GRM3: variants seen among roughly 807,000 people sequenced by gnomAD.
GRM3 encodes metabotropic glutamate receptor 3.
In GRM3, 26 loss-of-function variants were observed where a neutral mutation model predicts 70.5. That is an observed-to-expected ratio of 0.37 (90% CI 0.27 to 0.51). GRM3 has a LOEUF of 0.51. GRM3 is among the 20% of genes least tolerant of loss of function. The pLI, the probability that GRM3 is intolerant of heterozygous loss-of-function variation, is 0.93. For synonymous variants in GRM3, 443 were observed against 434.9 expected, an observed-to-expected ratio of 1.02 and a Z score of -0.23; for missense variants, 859 against 1,123.8, an observed-to-expected ratio of 0.76 and a Z score of 3.37.
intron 1 of GRM3, among the ~76,000 whole-genome samples, chr7:86,739,157 A>G: frequency 6.6e-6 from 1 of 152,086 alleles, no homozygotes; most frequent in Admixed American, 6.5e-5. Context: ...TTCTATTTTT[A>G]GTAGAGATGG....
chr7:86,711,074 C>G (rs914069595), intron 1 of GRM3, among the ~76,000 whole-genome samples: 1 of 152,044 alleles, frequency 6.6e-6, no homozygotes, highest in Non-Finnish European at 1.5e-5. Flanking sequence ...AGTACTCTCT[C>G]TGAGCCCCAC....
rs371129124 is a variant in GRM3 at position 86,787,059 on chromosome 7, A to T, written c.1267A>T (p.Lys423Ter). 6.2e-7 allele frequency: 1 copy of T among 1,612,786 alleles called. No homozygotes were observed. The highest frequency in any genetic ancestry group is 1.3e-5 in the African/African-American group (1 of 74,938). The change falls in exon 3 of 6, where the codon AAG becomes TAG. Residue 423 changes from lysine to a stop codon, truncating the protein, a stop_gained. Transcript: ENST00000361669. LOFTEE classifies it high-confidence loss of function. ...PNTTKLCDAM[K>*]ILDGKKLYKD... ...CACTACCAAGCTTTGTGATGCTATGAAGATCCTGGATGGGAAGAAGTTGTA... is the reference window on the plus strand; with the variant it reads ...CACTACCAAGCTTTGTGATGCTATGTAGATCCTGGATGGGAAGAAGTTGTA...
chr7:86,719,208 AAG>A (rs1214230633), intron 1 of GRM3, among the ~76,000 whole-genome samples: 1 of 152,020 alleles, frequency 6.6e-6, no homozygotes, highest in Non-Finnish European at 1.5e-5. Context: ...GAATTCCAGA[AAG>A]AGAGTATGAA....
intron 1 of GRM3, among the ~76,000 whole-genome samples, chr7:86,728,916 A>G (rs1022778875): frequency 4.6e-5 from 7 of 152,114 alleles, no homozygotes; most frequent in African/African-American, 1.7e-4. Context: ...CTTTATTTCC[A>G]GGGGAGTTTT....
At chr7:86,735,692 G>T (rs1795842065) in intron 1 of GRM3, among the ~76,000 whole-genome samples, 1 of 152,126 alleles carries the variant, frequency 6.6e-6, no homozygotes, top group South Asian at 2.1e-4. Flanking sequence ...AGTGGATGAA[G>T]GATCAAATAA....
At chr7:86,808,967 C>A (rs1461906704) in intron 3 of GRM3, among the ~76,000 whole-genome samples, 1 of 151,970 alleles carries the variant, frequency 6.6e-6, no homozygotes, top group African/African-American at 2.4e-5. Flanking sequence ...TTGAGAAACT[C>A]TGAGAAGTGA....
chr7:86,800,949 T>C (rs1797666166), intron 3 of GRM3, among the ~76,000 whole-genome samples: 1 of 152,206 alleles, frequency 6.6e-6, no homozygotes, highest in South Asian at 2.1e-4. Flanking sequence ...ACAGTCTAAG[T>C]TATTTAAGTT....
At chr7:86,771,872 A>G (rs2116448416) in intron 2 of GRM3, among the ~76,000 whole-genome samples, 1 of 152,104 alleles carries the variant, frequency 6.6e-6, no homozygotes, top group East Asian at 1.9e-4. Flanking sequence ...TTGCTTTCTC[A>G]TAGTCTACAG....
At chr7:86,645,239 C>G (rs1438700740) in intron 1 of GRM3, among the ~76,000 whole-genome samples, 1 of 152,114 alleles carries the variant, frequency 6.6e-6, no homozygotes, top group African/African-American at 2.4e-5. Context: ...TGGGGGCTCC[C>G]TAAGGCTTTG....
chr7:86,856,305 G>A (rs1333207880), intron 5 of GRM3, among the ~76,000 whole-genome samples: 1 of 151,896 alleles, frequency 6.6e-6, no homozygotes, highest in Non-Finnish European at 1.5e-5. Context: ...AATTAGCCAG[G>A]CATGGTGGTG....
intron 1 of GRM3, among the ~76,000 whole-genome samples, chr7:86,666,505 A>G (rs1239634997): frequency 6.6e-6 from 1 of 152,082 alleles, no homozygotes; most frequent in Non-Finnish European, 1.5e-5. Flanking sequence ...GGATTTTTAT[A>G]TTTAAAAGTA....
intron 1 of GRM3, among the ~76,000 whole-genome samples, chr7:86,687,299 C>T (rs1584165428): frequency 6.6e-6 from 1 of 151,794 alleles, no homozygotes; most frequent in East Asian, 1.9e-4. Context: ...TGAATAAAAC[C>T]ACACTTAGGG....
At position 86,767,558 on chromosome 7, in the gene GRM3, TAA is replaced by T. The variant is rs1372945742; in HGVS notation, c.468+1947_468+1948del. 8.8e-4 allele frequency among the ~76,000 whole-genome samples: 107 copies of T among 121,090 alleles called. 1 individual carries two copies. Among genetic ancestry groups the T allele is most frequent in the African/African-American group, 2.5e-3 (83 of 33,588 alleles). The allele number at this position is 121,090 out of a possible 152,430, so 79.4% of individuals were successfully genotyped here. A position where few individuals can be genotyped will look rare whatever the true frequency, so the allele number is the denominator to read the frequency against. ...ATATATATATATATATATATATATA[TAA>T]ATGAAGTATGAAACATTTCATATAT... is the stretch of plus-strand genomic sequence containing the variant. On this transcript the variant is annotated intron_variant, in intron 2 of 5. Coordinates refer to ENST00000361669, the MANE Select transcript of GRM3 (RefSeq NM_000840.3).
At chr7:86,827,112 T>C (rs1037147717) in intron 3 of GRM3, among the ~76,000 whole-genome samples, 1 of 152,212 alleles carries the variant, frequency 6.6e-6, no homozygotes, top group Admixed American at 6.5e-5. Flanking sequence ...TCCAACATAT[T>C]ATAGTCCATT....
At chr7:86,653,036 C>A (rs1444275555) in intron 1 of GRM3, among the ~76,000 whole-genome samples, 2 of 152,222 alleles carry the variant, frequency 1.3e-5, no homozygotes, top group Admixed American at 6.5e-5. Context: ...GTAGCTTAAA[C>A]AACAAACATT....
chr7:86,662,640 C>G (rs967389800), intron 1 of GRM3, among the ~76,000 whole-genome samples: 3 of 151,850 alleles, frequency 2.0e-5, no homozygotes, highest in African/African-American at 7.3e-5. Context: ...GTCATCGGCT[C>G]AAACATTTTT....
At chr7:86,654,206 G>T (rs802430) in intron 1 of GRM3, among the ~76,000 whole-genome samples, 7 of 151,964 alleles carry the variant, frequency 4.6e-5, no homozygotes, top group Admixed American at 1.3e-4. Context: ...GGCTCAGCCT[G>T]GGCCACCAGC....
At chr7:86,768,887 G>A (rs562665878) in intron 2 of GRM3, among the ~76,000 whole-genome samples, 1 of 152,154 alleles carries the variant, frequency 6.6e-6, no homozygotes, top group Non-Finnish European at 1.5e-5. Flanking sequence ...TTCAATACAG[G>A]GTCCTGTATT....
intron 3 of GRM3, among the ~76,000 whole-genome samples, chr7:86,816,408 T>C (rs938510570): frequency 6.6e-6 from 1 of 151,850 alleles, no homozygotes; most frequent in African/African-American, 2.4e-5. Flanking sequence ...ATAAGCATAG[T>C]ACTCAATAGG....
Sources: allele counts gnomAD v4.1 joint callset (sites outside exome capture counted in the v4.1 genomes callset), GRCh38; gene constraint gnomAD v4.1.1; transcripts MANE v1.5; gene names NCBI Gene and HGNC (gene_info 2026-07-23, HGNC 2026-07-21).